The following FRMD3 variants were observed in gnomAD, a reference collection of about 807,000 sequenced individuals.
FRMD3 encodes the protein FERM domain containing 3, also known as FERM domain-containing protein 3.
FRMD3 carries 33 observed loss-of-function variants against 70.2 expected under a neutral mutation model. The ratio of observed to expected loss-of-function variants is 0.47; its 90% CI spans 0.36 to 0.63. FRMD3 has a LOEUF of 0.63. FRMD3 is among the 20% of genes least tolerant of loss of function. The probability of loss-of-function intolerance (pLI) is 0.00; values close to 1 mark genes in which losing one functional copy is unlikely to be tolerated. For missense variants in FRMD3, 632 were observed against 711.4 expected (o/e 0.89, Z 1.27); for synonymous variants, 279 against 255.9 (o/e 1.09, Z -0.86).
intron 10 of FRMD3, among the ~76,000 whole-genome samples, chr9:83,309,161 G>A (rs577153477): frequency 6.6e-6 from 1 of 151,872 alleles, no homozygotes; most frequent in Non-Finnish European, 1.5e-5. Flanking sequence ...TAAGCTACTT[G>A]TACCAAACTA....
chr9:83,330,499 T>C (rs1197152179), intron 6 of FRMD3, among the ~76,000 whole-genome samples: 1 of 152,206 alleles, frequency 6.6e-6, no homozygotes, highest in African/African-American at 2.4e-5. Flanking sequence ...TTTTCACACA[T>C]AGTTTTACAA....
chr9:83,335,719 G>T, intron 5 of FRMD3, 80 bp from the exon 6 acceptor site: 2 of 1,264,386 alleles, frequency 1.6e-6, no homozygotes, highest in Non-Finnish European at 2.2e-6. Flanking sequence ...AGTGCCTCCT[G>T]CCATCCAAAA....
At chr9:83,325,389 C>T (rs1264654179) in intron 6 of FRMD3, among the ~76,000 whole-genome samples, 2 of 152,070 alleles carry the variant, frequency 1.3e-5, no homozygotes, top group Non-Finnish European at 2.9e-5. Flanking sequence ...TGCAGTGATG[C>T]GATCTCAGTT....
the FRMD3 span, among the ~76,000 whole-genome samples, chr9:83,543,835 T>G: frequency 6.6e-6 from 1 of 152,186 alleles, no homozygotes; most frequent in African/African-American, 2.4e-5. Context: ...CTTGGCTCTG[T>G]GGGTGAAGAG....
chr9:83,435,845 C>CCCTCTGCCCTAGTGA (rs1420228281), intron 1 of FRMD3, among the ~76,000 whole-genome samples: 1 of 152,140 alleles, frequency 6.6e-6, no homozygotes, highest in Non-Finnish European at 1.5e-5. Context: ...CAAGAATATA[C>CCCTCTGCCCTAGTGA]CTTTTTCTAT....
At chr9:83,304,250 G>A (rs908066844) in intron 10 of FRMD3, among the ~76,000 whole-genome samples, 1 of 152,164 alleles carries the variant, frequency 6.6e-6, no homozygotes, top group Non-Finnish European at 1.5e-5. Flanking sequence ...TGGGTCTGGG[G>A]TAGGATGCAG....
At chr9:83,319,329 A>G in intron 6 of FRMD3, among the ~76,000 whole-genome samples, 1 of 152,170 alleles carries the variant, frequency 6.6e-6, no homozygotes, top group East Asian at 1.9e-4. Context: ...TCTTATGTTT[A>G]GGTCTTTAAT....
chr9:83,271,013 C>G (rs1328993892), intron 13 of FRMD3, among the ~76,000 whole-genome samples: 1 of 152,132 alleles, frequency 6.6e-6, no homozygotes, highest in South Asian at 2.1e-4. Flanking sequence ...CCCGGCCATG[C>G]CTATTACCTT....
At chr9:83,307,534 T>C (rs1337376766) in intron 10 of FRMD3, among the ~76,000 whole-genome samples, 1 of 152,214 alleles carries the variant, frequency 6.6e-6, no homozygotes, top group Non-Finnish European at 1.5e-5. Flanking sequence ...TTTGGACACA[T>C]TTTGTGACAA....
intron 13 of FRMD3, among the ~76,000 whole-genome samples, chr9:83,290,355 A>G (rs112278503): frequency 1.2e-3 from 185 of 151,942 alleles, no homozygotes; most frequent in Non-Finnish European, 2.0e-3. Flanking sequence ...GTCTAACACC[A>G]TTAGTCTTTT....
chr9:83,419,365 TATG>T (rs1416738346), intron 1 of FRMD3, among the ~76,000 whole-genome samples: 3 of 152,218 alleles, frequency 2.0e-5, no homozygotes, highest in Non-Finnish European at 4.4e-5. Context: ...TATCAGGCAT[TATG>T]ATGGTTCCCC....
intron 2 of FRMD3, among the ~76,000 whole-genome samples, chr9:83,388,685 A>G (rs966092730): frequency 1.3e-5 from 2 of 152,240 alleles, no homozygotes; most frequent in African/African-American, 4.8e-5. Context: ...AGGTGTCTCC[A>G]GGAGCAAGAA....
chr9:83,443,715 C>A (rs1416146851), intron 1 of FRMD3, among the ~76,000 whole-genome samples: 2 of 152,194 alleles, frequency 1.3e-5, no homozygotes, highest in African/African-American at 4.8e-5. Flanking sequence ...GGAATCGCCA[C>A]ACTGTCCCCC....
chr9:83,303,003 G>A (rs1834984075), intron 10 of FRMD3, among the ~76,000 whole-genome samples: 1 of 152,102 alleles, frequency 6.6e-6, no homozygotes, highest in African/African-American at 2.4e-5. Context: ...GTCTCTGCAG[G>A]AGCACACCTC....
chr9:83,360,122 C>G (rs972327971), intron 3 of FRMD3, among the ~76,000 whole-genome samples: 1 of 152,040 alleles, frequency 6.6e-6, no homozygotes, highest in Non-Finnish European at 1.5e-5. Context: ...CTGCCTGAGC[C>G]GAGGGTACAA....
At chr9:83,315,501 G>A (rs1717169496) in intron 6 of FRMD3, among the ~76,000 whole-genome samples, 1 of 152,096 alleles carries the variant, frequency 6.6e-6, no homozygotes, top group African/African-American at 2.4e-5. Context: ...CTCCCTTGCT[G>A]TTCTCGGGAT....
intron 13 of FRMD3, among the ~76,000 whole-genome samples, chr9:83,285,087 C>T (rs1260805527): frequency 6.6e-6 from 1 of 152,198 alleles, no homozygotes; most frequent in Non-Finnish European, 1.5e-5. Flanking sequence ...CGTGTTCACA[C>T]ACAGACTTTC....
chr9:83,500,121 T>C lies in FRMD3; in HGVS notation c.147+37964A>G, dbSNP rs144378533. On this transcript the variant is annotated intron_variant, in intron 1 of 13. Coordinates refer to ENST00000304195, the MANE Select transcript of FRMD3 (RefSeq NM_174938.6). Reference sequence around the variant, plus strand: ...GGATGAATAGGTAGAGCACTAAGAATTTTTAGGGCAGAGAAACTATCCTGT... The same window carrying C: ...GGATGAATAGGTAGAGCACTAAGAACTTTTAGGGCAGAGAAACTATCCTGT... Among the ~76,000 whole-genome samples, 1,346 of 152,212 alleles carry C rather than the reference T, an allele frequency of 8.8e-3. 16 individuals are homozygous for C. Among genetic ancestry groups the C allele is most frequent in the African/African-American group, 0.031 (1,270 of 41,526 alleles).
At chr9:83,472,010 T>A (rs1828280766) in intron 1 of FRMD3, among the ~76,000 whole-genome samples, 1 of 152,232 alleles carries the variant, frequency 6.6e-6, no homozygotes, top group African/African-American at 2.4e-5. Context: ...AATCACCTTG[T>A]ATAGTGACAA....
Sources: allele counts gnomAD v4.1 joint callset (sites outside exome capture counted in the v4.1 genomes callset), GRCh38; gene constraint gnomAD v4.1.1; transcripts MANE v1.5; gene names NCBI Gene and HGNC (gene_info 2026-07-23, HGNC 2026-07-21).